CTNNA3: variants seen among roughly 807,000 people sequenced by gnomAD.
The protein encoded by CTNNA3 is catenin alpha-3.
CTNNA3 carries 76 observed loss-of-function variants against 95.7 expected under a neutral mutation model. The observed-to-expected ratio is 0.79, with a 90% CI of 0.66 to 0.96. CTNNA3 has a LOEUF of 0.96. Ranked by LOEUF, CTNNA3 falls within the 40% of genes least tolerant of loss-of-function variation. The pLI is 0.00. For synonymous variants in CTNNA3, 431 were observed against 374.4 expected (o/e 1.15, Z -1.74); for missense variants, 1,191 against 1,089.8 (o/e 1.09, Z -1.31).
chr10:67,571,085 T>G (rs1841958981), intron 3 of CTNNA3, among the ~76,000 whole-genome samples: 1 of 152,138 alleles, frequency 6.6e-6, no homozygotes, highest in Non-Finnish European at 1.5e-5. Flanking sequence ...GGAAGATAGG[T>G]TACATCTCCA....
chr10:66,319,306 T>C (rs1269172237), intron 12 of CTNNA3, among the ~76,000 whole-genome samples: 1 of 152,088 alleles, frequency 6.6e-6, no homozygotes, highest in Non-Finnish European at 1.5e-5. Context: ...ACTTACTGAT[T>C]CAATATTTAC....
chr10:67,502,089 C>A (rs1839250139), intron 5 of CTNNA3, among the ~76,000 whole-genome samples: 1 of 152,212 alleles, frequency 6.6e-6, no homozygotes, highest in African/African-American at 2.4e-5. Context: ...GTTTTTTCCT[C>A]ATCTTCATGG....
At chr10:67,309,148 A>C (rs1427773714) in intron 5 of CTNNA3, among the ~76,000 whole-genome samples, 1 of 152,132 alleles carries the variant, frequency 6.6e-6, no homozygotes, top group Non-Finnish European at 1.5e-5. Context: ...AACATGATTA[A>C]TGCACTCTAT....
chr10:67,202,471 A>G (rs1863691038), intron 6 of CTNNA3, among the ~76,000 whole-genome samples: 1 of 152,202 alleles, frequency 6.6e-6, no homozygotes, highest in Non-Finnish European at 1.5e-5. Context: ...ATCTTAAAAC[A>G]AGGAACTCTA....
chr10:67,483,065 A>T (rs1848300236), intron 5 of CTNNA3, among the ~76,000 whole-genome samples: 1 of 152,088 alleles, frequency 6.6e-6, no homozygotes, highest in Non-Finnish European at 1.5e-5. Context: ...AACCACAATG[A>T]GATACCATCT....
intron 11 of CTNNA3, among the ~76,000 whole-genome samples, chr10:66,488,035 A>AT (rs1839799846): frequency 6.6e-6 from 1 of 152,146 alleles, no homozygotes; most frequent in Admixed American, 6.5e-5. Flanking sequence ...TCATCCTCCC[A>AT]TAGCTCTGAC....
At chr10:66,156,259 A>T (rs181769454) in intron 13 of CTNNA3, among the ~76,000 whole-genome samples, 1 of 152,024 alleles carries the variant, frequency 6.6e-6, no homozygotes, top group Admixed American at 6.6e-5. Flanking sequence ...AACCGACTAA[A>T]GAAAGGAAAC....
intron 10 of CTNNA3, among the ~76,000 whole-genome samples, chr10:66,572,910 T>C (rs10997241): frequency 0.026 from 4,017 of 152,244 alleles, 86 homozygotes; most frequent in Non-Finnish European, 0.037. Flanking sequence ...TTGCACTACA[T>C]TGAGGCTAAC....
chr10:66,632,600 C>T (rs867784285), intron 9 of CTNNA3, among the ~76,000 whole-genome samples: 1 of 149,178 alleles, frequency 6.7e-6, no homozygotes, highest in African/African-American at 2.5e-5. Context: ...TATTATGTGC[C>T]AGTAATTAAA....
At chr10:67,645,726 G>A (rs1324221491) in intron 2 of CTNNA3, among the ~76,000 whole-genome samples, 4 of 151,346 alleles carry the variant, frequency 2.6e-5, no homozygotes, top group Non-Finnish European at 4.4e-5. Context: ...ATTTATAATA[G>A]GAAAAAAATA....
chr10:67,133,832 T>C (rs188918491), intron 7 of CTNNA3, among the ~76,000 whole-genome samples: 19 of 152,188 alleles, frequency 1.2e-4, no homozygotes, highest in Admixed American at 1.2e-3. Context: ...ATTTTACATA[T>C]GCCATCTCAT....
At chr10:67,226,264 G>C (rs916252510) in intron 5 of CTNNA3, among the ~76,000 whole-genome samples, 2 of 152,180 alleles carry the variant, frequency 1.3e-5, no homozygotes, top group Non-Finnish European at 2.9e-5. Context: ...ATGTTCTGGA[G>C]GAAGGGGAGA....
intron 17 of CTNNA3, among the ~76,000 whole-genome samples, chr10:65,937,234 A>G (rs2077354883): frequency 6.6e-6 from 1 of 152,046 alleles, no homozygotes; most frequent in South Asian, 2.1e-4. Flanking sequence ...GGTCTCATAG[A>G]GTTGTTTCCC....
In CTNNA3 at chr10:66,178,830, G is replaced by C. The variant is rs1444411162; in HGVS notation, c.1885-75581C>G. On this transcript the variant is annotated intron_variant, in intron 13 of 17. Coordinates refer to ENST00000433211, the MANE Select transcript of CTNNA3 (RefSeq NM_013266.4). ...GCTCACCATCTTTAGCCATTAGGAA[G>C]TTATAAATTAAAGCCACATGAAATA... Among the ~76,000 whole-genome samples the C allele has an allele frequency of 3.9e-5, 6 of 151,940 alleles. No homozygotes were observed. The East Asian group carries it at 7.7e-4, about 20-fold the overall frequency.
intron 7 of CTNNA3, among the ~76,000 whole-genome samples, chr10:67,123,245 A>G (rs950093972): frequency 6.6e-6 from 1 of 152,186 alleles, no homozygotes; most frequent in African/African-American, 2.4e-5. Context: ...CTGATAAGCT[A>G]CAGCCCTAGA....
chr10:65,983,186 A>G (rs1481470380), intron 16 of CTNNA3, among the ~76,000 whole-genome samples: 1 of 151,642 alleles, frequency 6.6e-6, no homozygotes, highest in East Asian at 1.9e-4. Flanking sequence ...TTAGGTGGGA[A>G]TGTCCAGTTA....
intron 7 of CTNNA3, among the ~76,000 whole-genome samples, chr10:66,840,364 TCTCTCTCTCACACACACA>T (rs1276976947): frequency 1.8e-4 from 17 of 92,976 alleles, no homozygotes; most frequent in African/African-American, 6.5e-4. Flanking sequence ...TCTCTCTCTC[TCTCTCTCTCACACACACA>T]CACACACACA....
chr10:66,307,072 G>A (rs1398043828), intron 12 of CTNNA3, among the ~76,000 whole-genome samples: 1 of 152,128 alleles, frequency 6.6e-6, no homozygotes, highest in Non-Finnish European at 1.5e-5. Context: ...CTCTGAATTA[G>A]ATACTGTTAA....
intron 15 of CTNNA3, among the ~76,000 whole-genome samples, chr10:66,007,945 T>C (rs1238257518): frequency 2.0e-5 from 3 of 151,842 alleles, no homozygotes; most frequent in Non-Finnish European, 2.9e-5. Context: ...CAGGATGTAT[T>C]AGGCCACAGC....
Sources: gnomAD v4.1 joint callset for allele counts (sites outside exome capture counted in the v4.1 genomes callset) on GRCh38, gnomAD v4.1.1 for gene constraint, MANE v1.5 for transcripts, NCBI Gene and HGNC (gene_info 2026-07-23, HGNC 2026-07-21) for gene names.